SEMA3E: variants seen among roughly 807,000 people sequenced by gnomAD.
SEMA3E encodes the protein semaphorin 3E.
In SEMA3E, 49 loss-of-function variants were observed where a neutral mutation model predicts 93.6. That is an observed-to-expected ratio of 0.52 (90% CI 0.42 to 0.66). The LOEUF is 0.66. SEMA3E is among the 30% of genes least tolerant of loss of function. The pLI, the probability that SEMA3E is intolerant of heterozygous loss-of-function variation, is 0.00. For missense variants in SEMA3E, 906 were observed against 964.8 expected, an observed-to-expected ratio of 0.94 and a Z score of 0.81; for synonymous variants, 363 against 330.7, an observed-to-expected ratio of 1.10 and a Z score of -1.06.
chr7:83,527,392 G>C (rs1482304124), intron 1 of SEMA3E, among the ~76,000 whole-genome samples: 2 of 152,072 alleles, frequency 1.3e-5, no homozygotes, highest in Non-Finnish European at 2.9e-5. Flanking sequence ...TCATTCCTTG[G>C]AGTAGGTGGA....
chr7:83,605,513 C>G (rs1793096294), intron 1 of SEMA3E, among the ~76,000 whole-genome samples: 1 of 151,768 alleles, frequency 6.6e-6, no homozygotes, highest in African/African-American at 2.4e-5. Context: ...TCACTGCAAA[C>G]TCCACCTCCC....
chr7:83,601,782 T>C (rs1161652652), intron 1 of SEMA3E, among the ~76,000 whole-genome samples: 3 of 152,138 alleles, frequency 2.0e-5, no homozygotes, highest in African/African-American at 7.2e-5. Flanking sequence ...TACTGTCAGG[T>C]CCTGATGCTT....
At position 83,367,927 on chromosome 7, in the gene SEMA3E, G is replaced by A; in HGVS notation, c.1987C>T (p.His663Tyr). The change falls in exon 17 of 17, where the codon CAT becomes TAT. Residue 663 changes from histidine (H) to tyrosine (Y), a missense_variant. His to Tyr is a moderately conservative substitution (Grantham distance 83). Transcript: ENST00000643230. Reference protein sequence around the residue: ...FCQTVEHSFVHTVRKITLEVV... With the variant: ...FCQTVEHSFVYTVRKITLEVV... ...TCCAAGGTGATTTTACGGACCGTAT[G>A]GACAAAGCTATGCTCTACTGTCTGG... 6 of 1,612,364 alleles carry A rather than the reference G, an allele frequency of 3.7e-6. No homozygotes were observed. Among genetic ancestry groups the A allele is most frequent in the Non-Finnish European group, 5.1e-6 (6 of 1,179,120 alleles).
intron 4 of SEMA3E, among the ~76,000 whole-genome samples, chr7:83,426,516 T>C (rs180896802): frequency 1.1e-3 from 173 of 152,138 alleles, no homozygotes; most frequent in African/African-American, 3.8e-3. Context: ...ACAATAGACA[T>C]TGAGAATCAC....
chr7:83,507,024 A>G (rs887420812), intron 1 of SEMA3E, among the ~76,000 whole-genome samples: 2 of 152,196 alleles, frequency 1.3e-5, no homozygotes, highest in Admixed American at 1.3e-4. Flanking sequence ...CTCCTTTGAG[A>G]ATCAACTAAA....
At position 83,385,316 on chromosome 7, in the gene SEMA3E, C is replaced by T; in HGVS notation, c.1853G>A (p.Gly618Glu). The change falls in exon 16 of 17, where the codon GGA (glycine) becomes GAA (glutamate). Residue 618 changes from glycine (G) to glutamate (E), a missense_variant. By Grantham distance (98) the Gly-to-Glu change is moderately conservative. Transcript: ENST00000643230. ...QAKVIWFVQK[G>E]RETRKEEVKT... ...TACCTCCTCTTTTCTTGTCTCACGTCCTTTCTGTACAAACCAGATAACTTT... is the reference window on the plus strand; with the variant it reads ...TACCTCCTCTTTTCTTGTCTCACGTTCTTTCTGTACAAACCAGATAACTTT... The T allele has an allele frequency of 6.2e-7, 1 of 1,613,276 alleles. No individual in the cohort carries two copies. Among genetic ancestry groups the T allele is most frequent in the East Asian group, 2.2e-5 (1 of 44,826 alleles).
chr7:83,597,522 C>T (rs1012948707), intron 1 of SEMA3E, among the ~76,000 whole-genome samples: 2 of 152,118 alleles, frequency 1.3e-5, no homozygotes, highest in African/African-American at 4.8e-5. Context: ...GTGTCTTTCT[C>T]AACACAAGTT....
intron 1 of SEMA3E, among the ~76,000 whole-genome samples, chr7:83,502,347 A>G (rs1047629488): frequency 6.6e-6 from 1 of 151,528 alleles, no homozygotes; most frequent in Non-Finnish European, 1.5e-5. Flanking sequence ...TTGTTTCCCA[A>G]CTCCTTTAGA....
At chr7:83,499,135 C>T (rs771962271) in intron 1 of SEMA3E, among the ~76,000 whole-genome samples, 1 of 152,080 alleles carries the variant, frequency 6.6e-6, no homozygotes, top group African/African-American at 2.4e-5. Context: ...GGATCACCTG[C>T]GGTGGGCATT....
chr7:83,544,286 G>A (rs1252444479), intron 1 of SEMA3E, among the ~76,000 whole-genome samples: 1 of 152,034 alleles, frequency 6.6e-6, no homozygotes, highest in African/African-American at 2.4e-5. Context: ...GAGAAGTACA[G>A]TGCTTGAACA....
At chr7:83,498,954 G>C (rs987527630) in intron 1 of SEMA3E, among the ~76,000 whole-genome samples, 1 of 152,060 alleles carries the variant, frequency 6.6e-6, no homozygotes, top group Non-Finnish European at 1.5e-5. Flanking sequence ...TTATGCATAT[G>C]CAACAAATTA....
At chr7:83,507,519 A>G (rs191935629) in intron 1 of SEMA3E, among the ~76,000 whole-genome samples, 57 of 151,978 alleles carry the variant, frequency 3.8e-4, no homozygotes, top group African/African-American at 1.2e-3. Flanking sequence ...ACACAAAGAG[A>G]CAGAGACAAA....
chr7:83,485,891 C>A (rs1232255157), intron 2 of SEMA3E, among the ~76,000 whole-genome samples: 1 of 151,958 alleles, frequency 6.6e-6, no homozygotes, highest in African/African-American at 2.4e-5. Flanking sequence ...TATGTATATC[C>A]TTTTCTGTAT....
chr7:83,506,622 TA>T (rs1236506023), intron 1 of SEMA3E, among the ~76,000 whole-genome samples: 2 of 152,100 alleles, frequency 1.3e-5, no homozygotes, highest in African/African-American at 4.8e-5. Context: ...ACACACTTTT[TA>T]AGAAAATGAG....
At chr7:83,630,417 A>C (rs1793762763) in intron 1 of SEMA3E, among the ~76,000 whole-genome samples, 1 of 152,198 alleles carries the variant, frequency 6.6e-6, no homozygotes, top group Admixed American at 6.5e-5. Flanking sequence ...TCTATAAGTT[A>C]GAGGATTAAT....
intron 4 of SEMA3E, among the ~76,000 whole-genome samples, chr7:83,464,019 A>G (rs1789695386): frequency 6.6e-6 from 1 of 152,166 alleles, no homozygotes; most frequent in African/African-American, 2.4e-5. Flanking sequence ...CCATTCTGTC[A>G]GACATAATTC....
chr7:83,543,588 C>T (rs1462666232), intron 1 of SEMA3E, among the ~76,000 whole-genome samples: 2 of 152,128 alleles, frequency 1.3e-5, no homozygotes, highest in Non-Finnish European at 2.9e-5. Context: ...TGATACATGA[C>T]TGTAAAAATG....
At chr7:83,559,344 A>G (rs1252629217) in intron 1 of SEMA3E, among the ~76,000 whole-genome samples, 1 of 152,120 alleles carries the variant, frequency 6.6e-6, no homozygotes, top group Non-Finnish European at 1.5e-5. Context: ...TGTTATATCC[A>G]TATTTGTTTT....
intron 16 of SEMA3E, among the ~76,000 whole-genome samples, chr7:83,375,016 G>C (rs1467708660): frequency 6.6e-6 from 1 of 152,070 alleles, no homozygotes; most frequent in Admixed American, 6.6e-5. Flanking sequence ...AATGCGGTTT[G>C]ACAACCAATA....
Sources: allele counts gnomAD v4.1 joint callset (sites outside exome capture counted in the v4.1 genomes callset), GRCh38; gene constraint gnomAD v4.1.1; transcripts MANE v1.5; gene names NCBI Gene and HGNC (gene_info 2026-07-23, HGNC 2026-07-21).